LRIT3: variants seen among roughly 807,000 people sequenced by gnomAD.
LRIT3 encodes the protein leucine-rich repeat, immunoglobulin-like domain and transmembrane domain-containing protein 3.
In LRIT3, 14 loss-of-function variants were observed where a neutral mutation model predicts 22.6. The ratio of observed to expected loss-of-function variants is 0.62; its 90% CI spans 0.41 to 0.97. LRIT3 has a LOEUF of 0.97. LRIT3 is among the 50% of genes least tolerant of loss of function. The probability of loss-of-function intolerance (pLI) is 0.00; values close to 1 mark genes in which losing one functional copy is unlikely to be tolerated. For missense variants in LRIT3, 783 were observed against 803.0 expected (o/e 0.98, Z 0.30); for synonymous variants, 306 against 304.5 (o/e 1.01, Z -0.05).
chr4:109,861,426 A>G (rs576721146), intron 2 of LRIT3, among the ~76,000 whole-genome samples: 56 of 151,418 alleles, frequency 3.7e-4, no homozygotes, highest in African/African-American at 1.2e-3. Context: ...AACATTATAC[A>G]TTCCCACTAG....
chr4:109,868,454 C>T (rs927016942), intron 3 of LRIT3, among the ~76,000 whole-genome samples: 3 of 151,090 alleles, frequency 2.0e-5, no homozygotes, highest in African/African-American at 7.3e-5. Flanking sequence ...ACCTGTAATC[C>T]CAGCTACTCA....
chr4:109,849,906 C>G (rs1734168706), intron 1 of LRIT3, among the ~76,000 whole-genome samples: 1 of 152,216 alleles, frequency 6.6e-6, no homozygotes, highest in African/African-American at 2.4e-5. Context: ...AGCCACCGCA[C>G]CCGGCCAATA....
intron 2 of LRIT3, among the ~76,000 whole-genome samples, chr4:109,855,704 G>A (rs1052176648): frequency 6.6e-5 from 10 of 152,192 alleles, no homozygotes; most frequent in Non-Finnish European, 1.3e-4. Context: ...TCTACACACT[G>A]CTTTAAATGT....
At chr4:109,851,476 C>T (rs994519851) in intron 1 of LRIT3, 28 bp from the exon 2 acceptor site, 28 of 1,481,878 alleles carry the variant, frequency 1.9e-5, no homozygotes, top group Non-Finnish European at 2.5e-5. Flanking sequence ...AAGTGAGTTT[C>T]CTCACATTGT....
Position 109,870,745 on chromosome 4 carries a change from G to A in LRIT3, c.1996G>A (p.Val666Met), listed in dbSNP as rs756931460. 1.2e-6 allele frequency: 2 copies of A among 1,612,540 alleles called. No homozygotes were observed. The highest frequency in any genetic ancestry group is 2.7e-5 in the African/African-American group (2 of 74,840). The change falls in exon 4 of 4, where the codon GTG becomes ATG. Residue 666 changes from valine (V) to methionine (M), a missense_variant. Val to Met is a conservative substitution (Grantham distance 21). Around this residue, in one of 2 missense-constraint regions of LRIT3, gnomAD observed 756 missense variants for 753.8 expected, o/e 1.00. Coordinates refer to ENST00000594814, the MANE Select transcript of LRIT3 (RefSeq NM_198506.5). The stretch of plus-strand genomic sequence containing the variant: ...TTCTAGGTCAAGTGTGGAATCTCAG[G>A]TGACTTTTAAAAGTGAAGGTTCCAG... ...LCSRSSVESQ[V>M]TFKSEGSRPE... is the part of the protein sequence containing the mutation.
At position 109,867,777 on chromosome 4, in the gene LRIT3, G is replaced by T; in HGVS notation, c.726G>T (p.Leu242Phe). The change falls in exon 3 of 4, where the codon TTG becomes TTT. Residue 242 changes from leucine to phenylalanine, a missense_variant. Physicochemically the swap from Leu to Phe is conservative, Grantham distance 22. Coordinates refer to ENST00000594814, the MANE Select transcript of LRIT3 (RefSeq NM_198506.5). ...AACCTGAGCGCCTCACAGGAATTTT[G>T]TTTCAGCGGGCTGAATTGGAGCATT... The part of the protein sequence containing the change: ...CSEPERLTGI[L>F]FQRAELEHCL... 1 of 1,614,148 alleles carries T rather than the reference G, an allele frequency of 6.2e-7. No individual in the cohort carries two copies. The highest frequency in any genetic ancestry group is 8.5e-7 in the Non-Finnish European group (1 of 1,180,014).
At chr4:109,860,221 T>G (rs78098225) in intron 2 of LRIT3, among the ~76,000 whole-genome samples, 4,210 of 152,228 alleles carry the variant, frequency 0.028, 133 homozygotes, top group East Asian at 0.13. Flanking sequence ...GCTTTTTTTT[T>G]GGGGGTGTTG....
At chr4:109,867,478 G>C (rs1734710766) in intron 2 of LRIT3, among the ~76,000 whole-genome samples, 163 bp from the exon 3 acceptor site, 1 of 152,102 alleles carries the variant, frequency 6.6e-6, no homozygotes, top group Non-Finnish European at 1.5e-5. Flanking sequence ...CACCGAGATT[G>C]CTGGATTGCA....
In LRIT3 at chr4:109,867,671, G is replaced by T. The variant is rs1379946185; in HGVS notation, c.620G>T (p.Cys207Phe). 6.2e-7 allele frequency: 1 copy of T among 1,613,948 alleles called. No homozygotes were observed. Among genetic ancestry groups the T allele is most frequent in the East Asian group, 2.2e-5 (1 of 44,886 alleles). The change falls in exon 3 of 4, where the codon TGT (cysteine) becomes TTT (phenylalanine). Residue 207 changes from cysteine (C) to phenylalanine (F), a missense_variant. Cys to Phe is a radical substitution (Grantham distance 205). Coordinates refer to ENST00000594814, the MANE Select transcript of LRIT3 (RefSeq NM_198506.5). ...GLQDNPWFCDCHISKMIELSK... is the reference protein window; with the variant it reads ...GLQDNPWFCDFHISKMIELSK... ...CAGGACAATCCTTGGTTCTGTGACTGTCATATTTCCAAAATGATTGAGTTG... is the reference window on the plus strand; with the variant it reads ...CAGGACAATCCTTGGTTCTGTGACTTTCATATTTCCAAAATGATTGAGTTG...
Position 109,851,934 on chromosome 4 carries a change from C to A in LRIT3, c.547C>A (p.Pro183Thr), listed in dbSNP as rs1211085056. The change falls in exon 2 of 4, where the codon CCT becomes ACT. Residue 183 changes from proline to threonine, a missense_variant. Transcript: ENST00000594814. ...GAGCTGGACTCATTTAGTTTCAACA[C>A]CTTCTGGAGTCCTGGACCTTTCCCC... ...LESWTHLVST[P>T]SGVLDLSPSR... is the part of the protein sequence containing the mutation. 11 of 1,551,348 alleles carry A rather than the reference C, an allele frequency of 7.1e-6. No homozygotes were observed. In the East Asian group the frequency reaches 2.0e-4, roughly 28 times the overall value.
intron 2 of LRIT3, among the ~76,000 whole-genome samples, chr4:109,860,125 A>T (rs961108364): frequency 2.0e-5 from 3 of 152,242 alleles, no homozygotes; most frequent in Admixed American, 6.5e-5. Flanking sequence ...CTTAAGATTA[A>T]GTAAATATTT....
Position 109,848,273 on chromosome 4 carries a change from G to A in LRIT3, c.72G>A (p.Gln24=). The A allele has an allele frequency of 8.1e-7, 1 of 1,232,064 alleles. No homozygotes were observed. Among genetic ancestry groups the A allele is most frequent in the African/African-American group, 1.5e-5 (1 of 64,540 alleles). 76.3% of individuals were successfully genotyped at this position (1,232,064 alleles called of 1,614,324 possible). A position where few individuals can be genotyped will look rare whatever the true frequency, so the allele number is the denominator to read the frequency against. Residue 24 remains glutamine, a synonymous_variant, in exon 1 of 4, where the codon CAG becomes CAA. Coordinates refer to ENST00000594814, the MANE Select transcript of LRIT3 (RefSeq NM_198506.5). ...LEGVGCLCPS[Q]CTCDYHGRND... ...GAGTGGGCTGTTTGTGTCCTTCACA[G>A]TGCACCTGTGATTATCACGGCAGAA...
chr4:109,867,567 C>A, intron 2 of LRIT3, 74 bp from the exon 3 acceptor site: 2 of 1,184,062 alleles, frequency 1.7e-6, no homozygotes, highest in Non-Finnish European at 1.1e-6. Context: ...TAGATCCCTA[C>A]TTTCTCAAGA....
At chr4:109,849,702 TC>T (rs1381992758) in intron 1 of LRIT3, among the ~76,000 whole-genome samples, 2 of 152,242 alleles carry the variant, frequency 1.3e-5, no homozygotes, top group Non-Finnish European at 2.9e-5. Context: ...AACCTCCATC[TC>T]CCGGGCTCAA....
chr4:109,857,327 G>C (rs529948361), intron 2 of LRIT3, among the ~76,000 whole-genome samples: 1 of 147,140 alleles, frequency 6.8e-6, no homozygotes, highest in Admixed American at 6.9e-5. Flanking sequence ...GCAACAGGGG[G>C]GTATAAGTCC....
intron 2 of LRIT3, among the ~76,000 whole-genome samples, chr4:109,859,639 A>G (rs1008157595): frequency 1.3e-5 from 2 of 152,214 alleles, no homozygotes; most frequent in South Asian, 2.1e-4. Flanking sequence ...TATCTTATGC[A>G]TATGGACAGG....
rs1050614925 is a variant in LRIT3, at chr4:109,872,192, C to T, written c.*1403C>T. On this transcript the variant is annotated 3_prime_UTR_variant, in exon 4 of 4. Coordinates refer to ENST00000594814, the MANE Select transcript of LRIT3 (RefSeq NM_198506.5). ...GATCTCCCAAACTCTGAGAACGGTC[C>T]TCAAATAGAAGCTCTCCTAGTCAGT... 1 of 152,194 alleles carries T rather than the reference C, an allele frequency of 6.6e-6. No homozygotes were observed. The highest frequency in any genetic ancestry group is 1.5e-5 in the Non-Finnish European group (1 of 68,042). The allele number at this position is 152,194 out of a possible 1,614,324, so 9.4% of individuals were successfully genotyped here. A position where few individuals can be genotyped will look rare whatever the true frequency, so the allele number is the denominator to read the frequency against.
At chr4:109,866,323 G>A (rs1031807964) in intron 2 of LRIT3, among the ~76,000 whole-genome samples, 1 of 151,982 alleles carries the variant, frequency 6.6e-6, no homozygotes, top group African/African-American at 2.4e-5. Flanking sequence ...GGCTGTTATG[G>A]AACATCACCC....
At chr4:109,848,535 T>C (rs1339470137) in intron 1 of LRIT3, among the ~76,000 whole-genome samples, 1 of 152,212 alleles carries the variant, frequency 6.6e-6, no homozygotes, top group Non-Finnish European at 1.5e-5. Context: ...TCTCAAGGTA[T>C]TGGAAATTTC....
Sources: gnomAD v4.1 joint callset for allele counts (sites outside exome capture counted in the v4.1 genomes callset) on GRCh38, gnomAD v4.1.1 for gene constraint, gnomAD v4.1.1 regional missense constraint, MANE v1.5 for transcripts, NCBI Gene and HGNC (gene_info 2026-07-23, HGNC 2026-07-21) for gene names.